Variants in LRRC4C observed in about 807,000 individuals in gnomAD.
LRRC4C encodes leucine rich repeat containing 4C.
Under a neutral mutation model 33.6 loss-of-function variants are expected in LRRC4C, and 5 were observed. The observed-to-expected ratio is 0.15, with a 90% CI of 0.08 to 0.31. LRRC4C has a LOEUF of 0.31. LRRC4C is among the 10% of genes least tolerant of loss of function. The probability of loss-of-function intolerance (pLI) is 1.00; values close to 1 mark genes in which losing one functional copy is unlikely to be tolerated. For missense variants in LRRC4C, 560 were observed against 796.7 expected, an observed-to-expected ratio of 0.70 and a Z score of 3.58; for synonymous variants, 329 against 302.0, an observed-to-expected ratio of 1.09 and a Z score of -0.93.
At chr11:41,281,074 C>CTG (rs1555135109) in intron 1 of LRRC4C, among the ~76,000 whole-genome samples, 1 of 134,056 alleles carries the variant, frequency 7.5e-6, no homozygotes, top group Middle Eastern at 4.0e-3. Context: ...CTCTCTCTCT[C>CTG]TGTCCTCTCT....
chr11:41,010,712 TG>T (rs1855108615), intron 1 of LRRC4C, among the ~76,000 whole-genome samples: 1 of 152,190 alleles, frequency 6.6e-6, no homozygotes, highest in Admixed American at 6.6e-5. Context: ...AAATAAATGG[TG>T]GCAACTTCCT....
At chr11:41,408,747 T>TAAA (rs35914452) in intron 1 of LRRC4C, among the ~76,000 whole-genome samples, 3 of 131,776 alleles carry the variant, frequency 2.3e-5, no homozygotes, top group African/African-American at 6.4e-5. Context: ...TATATTTTTG[T>TAAA]AAAAAAAAAA....
intron 1 of LRRC4C, among the ~76,000 whole-genome samples, chr11:41,091,968 C>T (rs1462212): frequency 0.95 from 144,008 of 152,186 alleles, 68,700 homozygotes; most frequent in East Asian, 1. Context: ...CATAGTTGCA[C>T]TAAATATGCA....
chr11:40,328,313 T>C (rs929854495), intron 3 of LRRC4C, among the ~76,000 whole-genome samples: 5 of 152,164 alleles, frequency 3.3e-5, no homozygotes, highest in Non-Finnish European at 7.4e-5. Flanking sequence ...AGGCTCTCCG[T>C]TTTTTATTTC....
At chr11:41,098,620 C>T (rs1486862138) in intron 1 of LRRC4C, among the ~76,000 whole-genome samples, 1 of 152,102 alleles carries the variant, frequency 6.6e-6, no homozygotes, top group Non-Finnish European at 1.5e-5. Flanking sequence ...CATTTTAAAT[C>T]TTTGCTTGTA....
At chr11:40,186,090 C>G (rs1861378808) in intron 5 of LRRC4C, among the ~76,000 whole-genome samples, 1 of 152,176 alleles carries the variant, frequency 6.6e-6, no homozygotes, top group Admixed American at 6.5e-5. Flanking sequence ...AAGACGGCAC[C>G]TTGATTGTTT....
chr11:41,003,835 A>T (rs1287765105), intron 1 of LRRC4C, among the ~76,000 whole-genome samples: 1 of 151,996 alleles, frequency 6.6e-6, no homozygotes, highest in Non-Finnish European at 1.5e-5. Flanking sequence ...TCTGAGGGGT[A>T]CCTTACATCA....
intron 1 of LRRC4C, among the ~76,000 whole-genome samples, chr11:40,937,355 C>G (rs1957949003): frequency 6.6e-6 from 1 of 152,076 alleles, no homozygotes; most frequent in Non-Finnish European, 1.5e-5. Context: ...GAAAAACTAC[C>G]TATCAGGTAC....
intron 2 of LRRC4C, among the ~76,000 whole-genome samples, chr11:40,808,889 C>T (rs183166962): frequency 6.6e-6 from 1 of 152,256 alleles, no homozygotes; most frequent in Non-Finnish European, 1.5e-5. Flanking sequence ...ACCTTTCTTC[C>T]TGTGGGTGTG....
intron 1 of LRRC4C, among the ~76,000 whole-genome samples, chr11:41,089,014 T>C (rs1940206863): frequency 6.6e-6 from 1 of 152,100 alleles, no homozygotes; most frequent in Non-Finnish European, 1.5e-5. Context: ...CACATACGTC[T>C]TTGAAAGTAG....
intron 2 of LRRC4C, among the ~76,000 whole-genome samples, chr11:40,688,517 G>A (rs1409526904): frequency 6.6e-6 from 1 of 151,956 alleles, no homozygotes; most frequent in African/African-American, 2.4e-5. Context: ...GAAAGCCTTG[G>A]GCTCTCATAC....
intron 1 of LRRC4C, among the ~76,000 whole-genome samples, chr11:41,395,863 C>A (rs1315185884): frequency 6.6e-6 from 1 of 151,972 alleles, no homozygotes; most frequent in Non-Finnish European, 1.5e-5. Flanking sequence ...AAAAGTACTG[C>A]ACTTTTTGTG....
intron 3 of LRRC4C, among the ~76,000 whole-genome samples, chr11:40,373,583 C>A (rs540530987): frequency 1.2e-4 from 18 of 152,194 alleles, no homozygotes; most frequent in East Asian, 5.8e-4. Context: ...TTGTCCCCTG[C>A]CAAAATTTCA....
intron 3 of LRRC4C, among the ~76,000 whole-genome samples, chr11:40,332,409 C>T (rs1019649293): frequency 6.6e-6 from 1 of 152,168 alleles, no homozygotes; most frequent in African/African-American, 2.4e-5. Flanking sequence ...AGACACCAGT[C>T]ATTGGAGTTA....
intron 4 of LRRC4C, among the ~76,000 whole-genome samples, chr11:40,317,691 C>T (rs567036465): frequency 7.9e-5 from 12 of 151,536 alleles, no homozygotes; most frequent in Middle Eastern, 3.4e-3. Flanking sequence ...ATTAACTTTA[C>T]TTCCTTCATG....
At chr11:40,967,765 T>C (rs1851461215) in intron 1 of LRRC4C, among the ~76,000 whole-genome samples, 1 of 151,860 alleles carries the variant, frequency 6.6e-6, no homozygotes, top group South Asian at 2.1e-4. Context: ...CTGTCTTCTA[T>C]TAATTTCAAT....
intron 3 of LRRC4C, among the ~76,000 whole-genome samples, chr11:40,504,796 C>T (rs941473058): frequency 2.6e-5 from 4 of 152,072 alleles, no homozygotes; most frequent in East Asian, 1.9e-4. Context: ...ATTTAGAGAG[C>T]GGAGGCTGTC....
intron 2 of LRRC4C, among the ~76,000 whole-genome samples, chr11:40,869,681 G>A (rs370456738): frequency 2.0e-5 from 3 of 152,196 alleles, no homozygotes; most frequent in African/African-American, 7.2e-5. Flanking sequence ...CACACTAGCA[G>A]GCCACTGCAC....
chr11:40,182,114 A>ATT (rs1430719584), intron 5 of LRRC4C, among the ~76,000 whole-genome samples: 1 of 152,240 alleles, frequency 6.6e-6, no homozygotes, highest in Non-Finnish European at 1.5e-5. Context: ...CACTTAAAAT[A>ATT]TACTTTGTAA....
Sources: gnomAD v4.1 joint callset for allele counts (sites outside exome capture counted in the v4.1 genomes callset) on GRCh38, gnomAD v4.1.1 for gene constraint, MANE v1.5 for transcripts, NCBI Gene and HGNC (gene_info 2026-07-23, HGNC 2026-07-21) for gene names.